The following HDGFL2 variants were observed in gnomAD, a reference collection of about 807,000 sequenced individuals.
HDGFL2 encodes the protein HDGF like 2.
HDGFL2 carries 36 observed loss-of-function variants against 77.1 expected under a neutral mutation model. The ratio of observed to expected loss-of-function variants is 0.47; its 90% CI spans 0.36 to 0.62. HDGFL2 has a LOEUF of 0.62. Among genes scored for constraint, HDGFL2 ranks in the 20% least tolerant of loss-of-function variants. HDGFL2 has a pLI of 0.00. For missense variants in HDGFL2, 976 were observed against 973.4 expected, an observed-to-expected ratio of 1.00 and a Z score of -0.04; for synonymous variants, 463 against 413.1, an observed-to-expected ratio of 1.12 and a Z score of -1.46.
chr19:4,496,525 G>C (rs1975707474), intron 10 of HDGFL2, 120 bp downstream of exon 10: 2 of 750,032 alleles, frequency 2.7e-6, no homozygotes, highest in Non-Finnish European at 4.6e-6. Context: ...GGACCCGGTT[G>C]AAGTTCCTGG....
At chr19:4,497,824 GTT>G in intron 10 of HDGFL2, 132 bp from the exon 11 acceptor site, 1 of 775,274 alleles carries the variant, frequency 1.3e-6, no homozygotes, top group East Asian at 2.7e-5. Flanking sequence ...CCCGCCTCCC[GTT>G]TCCCGGCTTA....
At chr19:4,488,562 C>T (rs1975419822) in intron 3 of HDGFL2, 114 bp from the exon 4 acceptor site, 1 of 939,206 alleles carries the variant, frequency 1.1e-6, no homozygotes, top group East Asian at 2.6e-5. Context: ...CAGGAGACAA[C>T]ACGCCTGACA....
chr19:4,474,579 C>T (rs978066213), intron 1 of HDGFL2, among the ~76,000 whole-genome samples: 6 of 152,110 alleles, frequency 3.9e-5, no homozygotes, highest in African/African-American at 1.4e-4. Flanking sequence ...CCACTCCAGC[C>T]TGCTGTGCTC....
chr19:4,499,709 G>T lies in HDGFL2; in HGVS notation c.1789+5G>T. On this transcript the variant is annotated splice_donor_5th_base_variant and intron_variant, in intron 14 of 15. Transcript: ENST00000616600. Reference sequence around the variant, plus strand: ...CGGAGGACAAGCCCAGCACCGGTGAGGGGCGGGTGGGGTGGGCCCTGTACC... The same window carrying T: ...CGGAGGACAAGCCCAGCACCGGTGATGGGCGGGTGGGGTGGGCCCTGTACC... 1 of 1,552,560 alleles carries T rather than the reference G, an allele frequency of 6.4e-7. No individual in the cohort carries two copies. Among genetic ancestry groups the T allele is most frequent in the Non-Finnish European group, 8.7e-7 (1 of 1,148,060 alleles).
intron 3 of HDGFL2, 76 bp from the exon 4 acceptor site, chr19:4,488,600 C>T (rs1975420901): frequency 7.4e-7 from 1 of 1,354,548 alleles, no homozygotes; most frequent in African/African-American, 1.4e-5. Flanking sequence ...GGTTGCCGTC[C>T]TCTGGGTCAT....
chr19:4,478,217 TG>T (rs1975122312), intron 3 of HDGFL2, among the ~76,000 whole-genome samples: 1 of 151,348 alleles, frequency 6.6e-6, no homozygotes, highest in African/African-American at 2.4e-5. Flanking sequence ...TTTTGTTTTT[TG>T]TTTTGATGGA....
intron 15 of HDGFL2, chr19:4,501,586 C>T: frequency 2.1e-6 from 1 of 478,518 alleles, no homozygotes; most frequent in Non-Finnish European, 3.7e-6. Context: ...CCAGGGTGGC[C>T]CAGGTAGGTA....
chr19:4,498,781 G>A (rs1285031336), intron 12 of HDGFL2, 33 bp from the exon 13 acceptor site: 2 of 1,488,488 alleles, frequency 1.3e-6, no homozygotes, highest in African/African-American at 2.8e-5. Flanking sequence ...CCCTTGGCCA[G>A]GCCGTCTCCC....
At chr19:4,490,296 AGGCTGGTCTC>A in intron 4 of HDGFL2, among the ~76,000 whole-genome samples, 1 of 152,310 alleles carries the variant, frequency 6.6e-6, no homozygotes, top group African/African-American at 2.4e-5. Flanking sequence ...CATGTTGGCC[AGGCTGGTCTC>A]GAACTCCTGA....
chr19:4,496,622 G>A (rs1270313796), intron 10 of HDGFL2, among the ~76,000 whole-genome samples: 6 of 152,106 alleles, frequency 3.9e-5, no homozygotes, highest in African/African-American at 1.4e-4. Context: ...GGGCGATCCC[G>A]CCTCCAGAGA....
chr19:4,491,604 C>T lies in HDGFL2; in HGVS notation c.528C>T (p.Asp176=). ...AACGAGCCCGAAAGGCCTCCAGCGA[C>T]CTGGATCAGGCCAGCGTGTCCCCAT... ...VSKRARKASS[D]LDQASVSPSE... Residue 176 remains aspartate (D), a synonymous_variant, in exon 5 of 16, where the codon GAC becomes GAT. Coordinates refer to ENST00000616600, the MANE Select transcript of HDGFL2 (RefSeq NM_001001520.3). 1 of 1,613,992 alleles carries T rather than the reference C, an allele frequency of 6.2e-7. No homozygotes were observed.
rs71168907 is a variant in HDGFL2, at chr19:4,484,666, A to ATTTTTTTTTTTTTT, written c.289-4000_289-3987dup. 4.0e-5 allele frequency among the ~76,000 whole-genome samples: 3 copies of ATTTTTTTTTTTTTT among 74,114 alleles called. 1 individual carries two copies. Among genetic ancestry groups the ATTTTTTTTTTTTTT allele is most frequent in the African/African-American group, 5.7e-5 (1 of 17,474 alleles). 48.6% of individuals were successfully genotyped at this position (74,114 alleles called of 152,430 possible). ...AGGCACCCGCCATCACGCCTGGCTA[A>ATTTTTTTTTTTTTT]TTTTTTTTTTTTTTTTTTTTTTTGA... On this transcript the variant is annotated intron_variant, in intron 3 of 15. Transcript: ENST00000616600.
At chr19:4,479,740 CTACAAAAA>C (rs1975166340) in intron 3 of HDGFL2, among the ~76,000 whole-genome samples, 1 of 151,696 alleles carries the variant, frequency 6.6e-6, no homozygotes, top group African/African-American at 2.4e-5. Flanking sequence ...AACCCTGCCT[CTACAAAAA>C]TATAAAAATT....
chr19:4,478,206 T>TTTG (rs1406371947), intron 3 of HDGFL2, among the ~76,000 whole-genome samples: 1 of 151,414 alleles, frequency 6.6e-6, no homozygotes, highest in Non-Finnish European at 1.5e-5. Context: ...TGTTTTTTTT[T>TTTG]TTTTGTTTTT....
chr19:4,475,840 G>T (rs1222345718), intron 3 of HDGFL2, among the ~76,000 whole-genome samples: 1 of 152,028 alleles, frequency 6.6e-6, no homozygotes, highest in Non-Finnish European at 1.5e-5. Flanking sequence ...GAGGGGAACG[G>T]GATAGAATCA....
intron 3 of HDGFL2, among the ~76,000 whole-genome samples, chr19:4,478,295 C>T (rs1233668167): frequency 1.5e-4 from 23 of 149,208 alleles, no homozygotes; most frequent in African/African-American, 3.2e-4. Flanking sequence ...CTCCGCCTCC[C>T]GGGTTCAAGC....
In HDGFL2 at chr19:4,499,474, C is replaced by G; in HGVS notation, c.1576-17C>G. 6.2e-7 allele frequency: 1 copy of G among 1,609,940 alleles called. No homozygotes were observed. Among genetic ancestry groups the G allele is most frequent in the Non-Finnish European group, 8.5e-7 (1 of 1,177,954 alleles). On this transcript the variant is annotated splice_polypyrimidine_tract_variant and intron_variant, in intron 13 of 15. Coordinates refer to ENST00000616600, the MANE Select transcript of HDGFL2 (RefSeq NM_001001520.3). Reference sequence around the variant, plus strand: ...CGCTGCACTTGGGTGAGCCAGGCCTCTTCTCTTGGTGGCCAGATTCGCCGT... The same window carrying G: ...CGCTGCACTTGGGTGAGCCAGGCCTGTTCTCTTGGTGGCCAGATTCGCCGT...
chr19:4,497,852 C>T (rs1975747604), intron 10 of HDGFL2, 106 bp from the exon 11 acceptor site: 3 of 1,031,546 alleles, frequency 2.9e-6, no homozygotes, highest in Non-Finnish European at 4.3e-6. Context: ...CAGGGCCTCC[C>T]AAAGGTTTCC....
Position 4,501,259 on chromosome 19 carries a change from G to C in HDGFL2, c.1858G>C (p.Glu620Gln), listed in dbSNP as rs1292343694. 1 of 1,613,440 alleles carries C rather than the reference G, an allele frequency of 6.2e-7. No homozygotes were observed. Among genetic ancestry groups the C allele is most frequent in the East Asian group, 2.2e-5 (1 of 44,884 alleles). ...KGESAEDKEH[E>Q]EGRDSEEGPR... ...GGAGAGCGCAGAGGACAAGGAGCACGAGGAGGGTCGGGACTCGGAGGAGGG... is the reference window on the plus strand; with the variant it reads ...GGAGAGCGCAGAGGACAAGGAGCACCAGGAGGGTCGGGACTCGGAGGAGGG... Residue 620 changes from glutamate (E) to glutamine (Q), a missense_variant, in exon 15 of 16, where the codon GAG (glutamate) becomes CAG (glutamine). Physicochemically the swap from Glu to Gln is conservative, Grantham distance 29. This residue lies in a region of HDGFL2 where 229 missense variants were observed against 187.3 expected (regional missense o/e 1.22). Transcript: ENST00000616600.
Sources: gnomAD v4.1 joint callset for allele counts (sites outside exome capture counted in the v4.1 genomes callset) on GRCh38, gnomAD v4.1.1 for gene constraint, gnomAD v4.1.1 regional missense constraint, MANE v1.5 for transcripts, NCBI Gene and HGNC (gene_info 2026-07-23, HGNC 2026-07-21) for gene names.